The following THRAP3 variants were observed in gnomAD, a reference collection of about 807,000 sequenced individuals.
The protein encoded by THRAP3 is thyroid hormone receptor-associated protein 3.
Under a neutral mutation model 101.0 loss-of-function variants are expected in THRAP3, and 16 were observed. The ratio of observed to expected loss-of-function variants is 0.16; its 90% CI spans 0.11 to 0.24. The LOEUF (loss-of-function observed/expected upper bound fraction) is 0.24, where lower values mean the gene tolerates loss of function less well. Ranked by LOEUF, THRAP3 falls within the 10% of genes least tolerant of loss-of-function variation. The probability of loss-of-function intolerance (pLI) is 1.00; values close to 1 mark genes in which losing one functional copy is unlikely to be tolerated. For synonymous variants in THRAP3, 407 were observed against 422.6 expected, an observed-to-expected ratio of 0.96 and a Z score of 0.45; for missense variants, 989 against 1,202.7, an observed-to-expected ratio of 0.82 and a Z score of 2.63.
At chr1:36,271,895 A>C (rs950167118) in intron 2 of THRAP3, among the ~76,000 whole-genome samples, 1 of 149,176 alleles carries the variant, frequency 6.7e-6, no homozygotes, top group Admixed American at 6.6e-5. Flanking sequence ...CACCCGGCCT[A>C]ATTTTTGTAT....
At position 36,247,444 on chromosome 1, in the gene THRAP3, C is replaced by T. The variant is rs2124436386; in HGVS notation, c.-134-11938C>T. The stretch of plus-strand genomic sequence containing the variant: ...GGTTCAAGCTATTCTCCCACCTCAG[C>T]CTCCTCAGTGACTGGGATTACAGGC... On this transcript the variant is annotated intron_variant, in intron 1 of 11. Transcript: ENST00000354618. 2.0e-5 allele frequency among the ~76,000 whole-genome samples: 3 copies of T among 152,168 alleles called. No homozygotes were observed. The Middle Eastern group carries it at 0.01, about 518-fold the overall frequency.
intron 1 of THRAP3, 117 bp from the exon 2 acceptor site, chr1:36,259,265 C>T (rs1645413805): frequency 7.6e-6 from 3 of 394,998 alleles, no homozygotes; most frequent in Admixed American, 4.4e-5. Context: ...AAGCTTGGGT[C>T]CTTTTGGAGT....
chr1:36,257,280 A>T (rs894366236), intron 1 of THRAP3, among the ~76,000 whole-genome samples: 2 of 152,036 alleles, frequency 1.3e-5, no homozygotes, highest in African/African-American at 4.8e-5. Context: ...TATAACTTTT[A>T]CTCCTCCAGG....
chr1:36,213,985 GAAAGAAAGAAAGGAAAGAAAGAAAGAAA>G, the THRAP3 span, among the ~76,000 whole-genome samples: 5 of 91,608 alleles, frequency 5.5e-5, no homozygotes, highest in African/African-American at 2.9e-4. Flanking sequence ...AAGAAAGAAA[GAAAGAAAGAAAGGAAAGAAAGAAAGAAA>G]GAAAGAAAGA....
intron 1 of THRAP3, among the ~76,000 whole-genome samples, chr1:36,225,634 A>G (rs1174000970): frequency 1.3e-5 from 2 of 151,920 alleles, no homozygotes; most frequent in Non-Finnish European, 2.9e-5. Flanking sequence ...TCTGTTTCAG[A>G]TGACCCTGAC....
At chr1:36,214,087 G>GA in the THRAP3 span, among the ~76,000 whole-genome samples, 5 of 151,880 alleles carry the variant, frequency 3.3e-5, no homozygotes, top group African/African-American at 9.7e-5. Context: ...ACAGAAACAG[G>GA]AAAAAACTAA....
intron 2 of THRAP3, among the ~76,000 whole-genome samples, chr1:36,262,840 C>G (rs924135584): frequency 6.6e-6 from 1 of 151,144 alleles, no homozygotes; most frequent in African/African-American, 2.4e-5. Context: ...GTCTCCCAGG[C>G]TGGAGTGCAG....
chr1:36,250,362 C>T (rs967340679), intron 1 of THRAP3, among the ~76,000 whole-genome samples: 3 of 151,732 alleles, frequency 2.0e-5, no homozygotes, highest in Admixed American at 6.6e-5. Context: ...TACAGGCGCC[C>T]GCCACCACAC....
chr1:36,292,256 C>T (rs142679430), intron 6 of THRAP3, among the ~76,000 whole-genome samples: 138 of 54,488 alleles, frequency 2.5e-3, no homozygotes, highest in Middle Eastern at 0.026. Flanking sequence ...TAATGTGTTT[C>T]TTTGTTTCTT....
chr1:36,260,318 A>G (rs1489473670), intron 2 of THRAP3, among the ~76,000 whole-genome samples: 1 of 152,152 alleles, frequency 6.6e-6, no homozygotes, highest in East Asian at 1.9e-4. Context: ...TCAGCTCCCT[A>G]GGGCTCTTTA....
chr1:36,275,189 C>G (rs1645641988), intron 2 of THRAP3, among the ~76,000 whole-genome samples: 1 of 149,928 alleles, frequency 6.7e-6, no homozygotes, highest in Non-Finnish European at 1.5e-5. Context: ...ACTTGGGAGG[C>G]TGAGGCAGGA....
rs766680277 is a variant in THRAP3, at chr1:36,303,954, AGAC to A, written c.2811_2813del (p.Asp937del). On this transcript the variant is annotated inframe_deletion, in exon 12 of 12. Transcript: ENST00000354618. ...TCAGTGGGGAGGAAGGGGAGATTGA[AGAC>A]GACGAGAGTGGGACAGAGAACCGAG... 2 of 1,611,730 alleles carry A rather than the reference AGAC, an allele frequency of 1.2e-6. No homozygotes were observed. The highest frequency in any genetic ancestry group is 1.7e-6 in the Non-Finnish European group (2 of 1,178,938).
chr1:36,236,918 T>C (rs1553191477), intron 1 of THRAP3, among the ~76,000 whole-genome samples: 1 of 152,212 alleles, frequency 6.6e-6, no homozygotes, highest in Non-Finnish European at 1.5e-5. Context: ...GGCTCACAGC[T>C]GTAATCCCAG....
At chr1:36,228,786 GT>G (rs1050522294) in intron 1 of THRAP3, among the ~76,000 whole-genome samples, 16 of 152,280 alleles carry the variant, frequency 1.1e-4, no homozygotes, top group Admixed American at 3.9e-4. Flanking sequence ...ATTCGTTAGA[GT>G]TTCAAAAAAG....
the THRAP3 span, among the ~76,000 whole-genome samples, chr1:36,209,444 T>C: frequency 6.6e-6 from 1 of 152,154 alleles, no homozygotes; most frequent in South Asian, 2.1e-4. Flanking sequence ...CTGGCCTCAA[T>C]ACCCAGTAGA....
upstream of THRAP3, among the ~76,000 whole-genome samples, chr1:36,219,592 CT>C (rs1274235048): frequency 0.01 from 1,469 of 143,040 alleles, 2 homozygotes; most frequent in Middle Eastern, 0.026. Flanking sequence ...GCCCAGCTAA[CT>C]TTTTTTTTTT....
rs181804551 is a variant in THRAP3, at chr1:36,278,110, G to T, written c.-31-4423G>T. ...GACGGAGTCCTGCCTTGTTGCCCAG[G>T]CTGGAGTGCACTGGCGTGATCTTCG... On this transcript the variant is annotated intron_variant, in intron 2 of 11. Transcript: ENST00000354618. 2.2e-4 allele frequency among the ~76,000 whole-genome samples: 32 copies of T among 148,640 alleles called. No individual in the cohort carries two copies. In the East Asian group the frequency reaches 5.7e-3, roughly 27 times the overall value.
At position 36,228,251 on chromosome 1, in the gene THRAP3, CTT is replaced by C. The variant is rs553433443; in HGVS notation, c.-135+3747_-135+3748del. ...TTTTTTCTTGAGACAGAGTTTCTCT[CTT>C]GTCACCCAGGCTGGAGTGCAATGGC... On this transcript the variant is annotated intron_variant, in intron 1 of 11. Transcript: ENST00000354618. Among the ~76,000 whole-genome samples the C allele has an allele frequency of 3.2e-3, 476 of 149,214 alleles. 1 individual carries two copies. Among genetic ancestry groups the C allele is most frequent in the African/African-American group, 0.011 (439 of 39,986 alleles).
At chr1:36,211,109 A>T in the THRAP3 span, among the ~76,000 whole-genome samples, 1 of 151,544 alleles carries the variant, frequency 6.6e-6, no homozygotes, top group Admixed American at 6.6e-5. Flanking sequence ...ACACATTGGG[A>T]GGCCAAAGCA....
Sources: allele counts gnomAD v4.1 joint callset (sites outside exome capture counted in the v4.1 genomes callset), GRCh38; gene constraint gnomAD v4.1.1; transcripts MANE v1.5; gene names NCBI Gene and HGNC (gene_info 2026-07-23, HGNC 2026-07-21).